The following PCDHA4 variants were observed in gnomAD, a reference collection of about 807,000 sequenced individuals.
The protein encoded by PCDHA4 is protocadherin alpha-4.
A neutral mutation model predicts 61.4 loss-of-function variants in PCDHA4; 49 were observed. The observed-to-expected ratio is 0.80, with a 90% CI of 0.63 to 1.01. The LOEUF is 1.01. Ranked by LOEUF, PCDHA4 falls within the 50% of genes least tolerant of loss-of-function variation. The probability of loss-of-function intolerance (pLI) is 0.00; values close to 1 mark genes in which losing one functional copy is unlikely to be tolerated. For missense variants in PCDHA4, 1,254 were observed against 1,235.8 expected (o/e 1.01, Z -0.22); for synonymous variants, 590 against 550.3 (o/e 1.07, Z -1.01).
intron 1 of PCDHA4, among the ~76,000 whole-genome samples, chr5:140,923,820 C>T (rs892649324): frequency 5.3e-4 from 80 of 152,224 alleles, no homozygotes; most frequent in African/African-American, 1.6e-3. Context: ...TGAAAATAGA[C>T]GTCAGTGGCA....
At chr5:140,967,092 C>A (rs782344374) in intron 1 of PCDHA4, 4 of 1,613,156 alleles carry the variant, frequency 2.5e-6, no homozygotes, top group Non-Finnish European at 2.5e-6. Context: ...GATCGGGAGG[C>A]GCTGTGTGAG....
In PCDHA4 at chr5:140,850,586, C is replaced by T. The variant is rs10040059; in HGVS notation, c.2385+41014C>T. The stretch of plus-strand genomic sequence containing the variant: ...CCGAGGTGACGCTGGTGGATGTCAA[C>T]GTGTACCTGATCATCGCCATCTGCG... On this transcript the variant is annotated intron_variant, in intron 1 of 3. Transcript: ENST00000530339. 1,289 of 1,598,414 alleles carry T rather than the reference C, an allele frequency of 8.1e-4. 73 individuals carry two copies. In the African/African-American group the frequency reaches 0.014, roughly 17 times the overall value.
intron 1 of PCDHA4, among the ~76,000 whole-genome samples, chr5:140,833,644 A>G (rs1048308500): frequency 1.3e-5 from 2 of 152,196 alleles, no homozygotes; most frequent in African/African-American, 4.8e-5. Context: ...AAAAGTTCAC[A>G]TGATACAAAT....
intron 1 of PCDHA4, among the ~76,000 whole-genome samples, chr5:140,956,765 C>T (rs2095308216): frequency 6.6e-6 from 1 of 152,134 alleles, no homozygotes; most frequent in Non-Finnish European, 1.5e-5. Flanking sequence ...AGCTGTAAAT[C>T]TGTCTGGTCC....
chr5:140,969,508 A>C, intron 1 of PCDHA4: 2 of 1,424,370 alleles, frequency 1.4e-6, no homozygotes, highest in South Asian at 1.5e-5. Context: ...GAAAAATAGC[A>C]CTAAAGAATT....
At chr5:141,000,410 TATATATATATA>T (rs1554257433) in intron 3 of PCDHA4, among the ~76,000 whole-genome samples, 1 of 101,972 alleles carries the variant, frequency 9.8e-6, no homozygotes, top group Non-Finnish European at 2.0e-5. Context: ...TATATATATA[TATATATATATA>T]TTTTTTTTTT....
chr5:140,923,247 T>G (rs1230824523), intron 1 of PCDHA4, among the ~76,000 whole-genome samples: 6 of 152,252 alleles, frequency 3.9e-5, no homozygotes, highest in African/African-American at 1.4e-4. Flanking sequence ...TGAGACCAGC[T>G]GGGCAACATA....
chr5:140,910,766 T>C (rs2075154722), intron 1 of PCDHA4, among the ~76,000 whole-genome samples: 2 of 152,198 alleles, frequency 1.3e-5, no homozygotes, highest in South Asian at 2.1e-4. Context: ...CTTTTTAAAC[T>C]CCCCAAGCTG....
intron 1 of PCDHA4, among the ~76,000 whole-genome samples, chr5:140,972,724 C>T (rs953044769): frequency 1.9e-4 from 27 of 140,890 alleles, no homozygotes; most frequent in Non-Finnish European, 3.3e-4. Context: ...AGTGCAGTGG[C>T]GTAATCCCGG....
chr5:140,882,735 G>C, intron 1 of PCDHA4: 1 of 1,614,216 alleles, frequency 6.2e-7, no homozygotes, highest in Non-Finnish European at 8.5e-7. Flanking sequence ...CCACTAGATG[G>C]CGCATCCGAT....
intron 1 of PCDHA4, among the ~76,000 whole-genome samples, chr5:140,887,337 C>T (rs2153419784): frequency 6.6e-6 from 1 of 152,268 alleles, no homozygotes; most frequent in East Asian, 1.9e-4. Flanking sequence ...ACCTCGTGAT[C>T]CACCTGGCTC....
chr5:140,964,918 G>A (rs563180752), intron 1 of PCDHA4, among the ~76,000 whole-genome samples: 59 of 152,308 alleles, frequency 3.9e-4, no homozygotes, highest in Admixed American at 3.4e-3. Context: ...GAATAACACT[G>A]GCTAGGTAGT....
chr5:140,842,848 G>A lies in PCDHA4; in HGVS notation c.2385+33276G>A, dbSNP rs2150346229. The stretch of plus-strand genomic sequence containing the variant: ...AGCGCTCGCTGTCGAGCTACATTTC[G>A]GTGCACACGGAGAGCGGCAAGGTGT... On this transcript the variant is annotated intron_variant, in intron 1 of 3. Coordinates refer to ENST00000530339, the MANE Select transcript of PCDHA4 (RefSeq NM_018907.4). 2.4e-5 allele frequency: 38 copies of A among 1,593,806 alleles called. 5 individuals are homozygous for A. The highest frequency in any genetic ancestry group is 1.7e-4 in the South Asian group (15 of 90,426).
chr5:140,895,841 C>T (rs1389575745), intron 1 of PCDHA4, among the ~76,000 whole-genome samples: 1 of 152,092 alleles, frequency 6.6e-6, no homozygotes, highest in Admixed American at 6.6e-5. Flanking sequence ...GACAAAGTCT[C>T]ACTCTTGTAC....
At chr5:140,876,947 A>G in intron 1 of PCDHA4, 5 of 1,613,496 alleles carry the variant, frequency 3.1e-6, no homozygotes, top group South Asian at 1.1e-5. Flanking sequence ...CTGGTGTCCT[A>G]CTCGCTGGTG....
chr5:140,942,448 A>C (rs140426253), intron 1 of PCDHA4, among the ~76,000 whole-genome samples: 3,563 of 152,146 alleles, frequency 0.023, 50 homozygotes, highest in Middle Eastern at 0.034. Flanking sequence ...CAAGTAAACT[A>C]TCAATTATAA....
intron 1 of PCDHA4, chr5:140,877,927 A>C: frequency 7.1e-7 from 1 of 1,416,192 alleles, no homozygotes; most frequent in South Asian, 1.6e-5. Flanking sequence ...TTTCTTTATG[A>C]TTCTATCCTT....
intron 1 of PCDHA4, among the ~76,000 whole-genome samples, chr5:140,894,305 T>A (rs1318862417): frequency 6.6e-6 from 1 of 152,078 alleles, no homozygotes; most frequent in East Asian, 1.9e-4. Context: ...TCCTGGAAAG[T>A]TTTCTTAAAT....
chr5:140,985,505 T>C (rs2097155238), intron 3 of PCDHA4, among the ~76,000 whole-genome samples: 1 of 152,188 alleles, frequency 6.6e-6, no homozygotes, highest in Non-Finnish European at 1.5e-5. Flanking sequence ...CTGCCTTTCA[T>C]TGATTCTGTT....
Sources: allele counts gnomAD v4.1 joint callset (sites outside exome capture counted in the v4.1 genomes callset), GRCh38; gene constraint gnomAD v4.1.1; transcripts MANE v1.5; gene names NCBI Gene and HGNC (gene_info 2026-07-23, HGNC 2026-07-21).